PRELID2: variants seen among roughly 807,000 people sequenced by gnomAD.
The protein encoded by PRELID2 is PRELI domain containing 2.
A neutral mutation model predicts 28.4 loss-of-function variants in PRELID2; 25 were observed. The observed-to-expected ratio is 0.88, with a 90% CI of 0.64 to 1.23. The LOEUF is 1.23. Among genes scored for constraint, PRELID2 ranks in the 50% most tolerant of loss-of-function variants. PRELID2 has a pLI of 0.00. For synonymous variants in PRELID2, 76 were observed against 71.6 expected (o/e 1.06, Z -0.31); for missense variants, 201 against 214.4 (o/e 0.94, Z 0.39).
intron 1 of PRELID2, among the ~76,000 whole-genome samples, chr5:145,577,028 A>G (rs895907928): frequency 1.3e-5 from 2 of 152,142 alleles, no homozygotes; most frequent in African/African-American, 4.8e-5. Flanking sequence ...TCCCAGCACC[A>G]CAACAGACAC....
chr5:145,323,600 A>G, the PRELID2 span, among the ~76,000 whole-genome samples: 1 of 152,144 alleles, frequency 6.6e-6, no homozygotes, highest in Non-Finnish European at 1.5e-5. Flanking sequence ...TAGTTTTTCA[A>G]TCATCATCCT....
At chr5:145,528,637 C>T (rs10046097) in intron 1 of PRELID2, among the ~76,000 whole-genome samples, 2,957 of 150,486 alleles carry the variant, frequency 0.02, 85 homozygotes, top group African/African-American at 0.069. Context: ...ATAAAAGAGC[C>T]ATAGACAATC....
At chr5:145,695,692 G>T (rs1419063911) in intron 1 of PRELID2, among the ~76,000 whole-genome samples, 1 of 152,124 alleles carries the variant, frequency 6.6e-6, no homozygotes, top group African/African-American at 2.4e-5. Flanking sequence ...ACAGCTGGGG[G>T]CACAAAGTCT....
chr5:145,423,105 G>A, the PRELID2 span, among the ~76,000 whole-genome samples: 17 of 151,780 alleles, frequency 1.1e-4, no homozygotes, highest in South Asian at 4.2e-4. Context: ...CGAGAGATCC[G>A]CTGTTAGTCT....
chr5:145,236,752 C>T, the PRELID2 span, among the ~76,000 whole-genome samples: 1 of 152,130 alleles, frequency 6.6e-6, no homozygotes, highest in African/African-American at 2.4e-5. Flanking sequence ...AGGAATGTAA[C>T]TATTCACCTT....
At chr5:145,647,625 A>T (rs1301756590) in intron 1 of PRELID2, among the ~76,000 whole-genome samples, 1 of 152,184 alleles carries the variant, frequency 6.6e-6, no homozygotes, top group East Asian at 1.9e-4. Flanking sequence ...GTCTGCCCAA[A>T]TGGCTGCCCA....
chr5:145,619,083 T>G (rs1753738734), intron 1 of PRELID2, among the ~76,000 whole-genome samples: 2 of 152,120 alleles, frequency 1.3e-5, no homozygotes, highest in African/African-American at 4.8e-5. Context: ...CAAGCAGGGC[T>G]GAGAACTTGT....
chr5:145,428,063 A>G, the PRELID2 span, among the ~76,000 whole-genome samples: 1 of 152,074 alleles, frequency 6.6e-6, no homozygotes, highest in Admixed American at 6.6e-5. Context: ...GGTTCAAGCG[A>G]TTCTCCTGCC....
At chr5:145,717,675 G>C (rs542331072) in intron 1 of PRELID2, among the ~76,000 whole-genome samples, 1 of 150,460 alleles carries the variant, frequency 6.6e-6, no homozygotes, top group African/African-American at 2.4e-5. Context: ...TAATAAATTA[G>C]ATTTAAAATA....
At chr5:145,324,225 G>C in the PRELID2 span, among the ~76,000 whole-genome samples, 2 of 152,148 alleles carry the variant, frequency 1.3e-5, no homozygotes, top group Non-Finnish European at 2.9e-5. Flanking sequence ...GGACACTGTG[G>C]ATGTCATTGT....
chr5:145,572,333 C>T (rs1442533414), intron 1 of PRELID2, among the ~76,000 whole-genome samples: 2 of 152,192 alleles, frequency 1.3e-5, no homozygotes, highest in Non-Finnish European at 2.9e-5. Flanking sequence ...CCCAGGATCT[C>T]CTGGGGCTGT....
the PRELID2 span, among the ~76,000 whole-genome samples, chr5:145,253,237 T>C: frequency 2.0e-5 from 3 of 152,166 alleles, no homozygotes; most frequent in African/African-American, 7.2e-5. Context: ...TAGGATATTC[T>C]ATTGAGGTAG....
intron 6 of PRELID2, among the ~76,000 whole-genome samples, chr5:145,761,557 C>T (rs1757476822): frequency 6.6e-6 from 1 of 152,200 alleles, no homozygotes; most frequent in Admixed American, 6.5e-5. Flanking sequence ...ATCACCACAA[C>T]ACTCCTTGAT....
intron 1 of PRELID2, among the ~76,000 whole-genome samples, chr5:145,719,933 A>C (rs1054849913): frequency 6.6e-6 from 1 of 151,994 alleles, no homozygotes; most frequent in Non-Finnish European, 1.5e-5. Context: ...AAATTAAGTA[A>C]GAGTTGATTG....
At chr5:145,756,238 C>A (rs528153641), downstream of PRELID2, among the ~76,000 whole-genome samples, 14 of 152,306 alleles carry the variant, frequency 9.2e-5, no homozygotes, top group Middle Eastern at 6.8e-3. Context: ...GGATAACACC[C>A]TCATCTGGGG....
intron 1 of PRELID2, among the ~76,000 whole-genome samples, chr5:145,715,392 G>C (rs1583286): frequency 2.6e-5 from 4 of 151,870 alleles, no homozygotes; most frequent in Admixed American, 2.6e-4. Flanking sequence ...AGCTGCCATC[G>C]CCTCTTGCCT....
At chr5:145,818,875 C>A (rs1050734858) in intron 3 of PRELID2, among the ~76,000 whole-genome samples, 2 of 152,156 alleles carry the variant, frequency 1.3e-5, no homozygotes, top group African/African-American at 4.8e-5. Flanking sequence ...TTGGCTGTGT[C>A]CCCTCCCAAA....
intron 1 of PRELID2, among the ~76,000 whole-genome samples, chr5:145,590,148 A>C (rs1413379233): frequency 6.6e-6 from 1 of 152,076 alleles, no homozygotes; most frequent in Non-Finnish European, 1.5e-5. Context: ...TCTTATTCTT[A>C]AAAACTAAGC....
chr5:145,346,353 G>C, the PRELID2 span, among the ~76,000 whole-genome samples: 1 of 152,244 alleles, frequency 6.6e-6, no homozygotes, highest in Admixed American at 6.5e-5. Context: ...AGATGTGTAA[G>C]ATTGACAGCA....
Sources: allele counts gnomAD v4.1 joint callset (sites outside exome capture counted in the v4.1 genomes callset), GRCh38; gene constraint gnomAD v4.1.1; transcripts MANE v1.5; gene names NCBI Gene and HGNC (gene_info 2026-07-23, HGNC 2026-07-21).